Variants in IL1RAPL2 observed in about 807,000 individuals in gnomAD.
IL1RAPL2 encodes the protein interleukin 1 receptor accessory protein like 2, also known as X-linked interleukin-1 receptor accessory protein-like 2.
IL1RAPL2 carries 3 observed loss-of-function variants against 44.1 expected under a neutral mutation model. The observed-to-expected ratio is 0.07, with a 90% confidence interval of 0.03 to 0.18. The LOEUF (loss-of-function observed/expected upper bound fraction) is 0.18. IL1RAPL2 is among the 10% of genes least tolerant of loss of function. The probability of loss-of-function intolerance (pLI) is 1.00; values close to 1 mark genes in which losing one functional copy is unlikely to be tolerated. For synonymous variants in IL1RAPL2, 181 were observed against 178.8 expected (o/e 1.01, Z -0.10); for missense variants, 391 against 496.4 (o/e 0.79, Z 2.02).
intron 2 of IL1RAPL2, among the ~76,000 whole-genome samples, chrX:104,990,434 G>T (rs2030641231): frequency 9.1e-6 from 1 of 110,265 alleles, no homozygotes; most frequent in Non-Finnish European, 1.9e-5. Context: ...TTTTAACAAT[G>T]GTAGCATTCT....
At chrX:105,682,119 G>A (rs915057558) in intron 6 of IL1RAPL2, among the ~76,000 whole-genome samples, 1 of 111,530 alleles carries the variant, frequency 9.0e-6, no homozygotes, top group Non-Finnish European at 1.9e-5. Flanking sequence ...TAAGCCTGCC[G>A]AAAAAAGTTT....
intron 2 of IL1RAPL2, among the ~76,000 whole-genome samples, chrX:105,072,596 G>A (rs2032222163): frequency 9.0e-6 from 1 of 110,835 alleles, no homozygotes; most frequent in African/African-American, 3.3e-5. Flanking sequence ...ACGGAAATGA[G>A]GAACTTATTG....
At chrX:105,348,482 T>C (rs1377600003) in intron 5 of IL1RAPL2, among the ~76,000 whole-genome samples, 1 of 112,295 alleles carries the variant, frequency 8.9e-6, no homozygotes, top group East Asian at 2.8e-4. Context: ...GTCTGGCATA[T>C]GGTAAATACC....
At chrX:105,698,134 A>G (rs1352941479) in intron 6 of IL1RAPL2, among the ~76,000 whole-genome samples, 1 of 111,265 alleles carries the variant, frequency 9.0e-6, no homozygotes, top group African/African-American at 3.3e-5. Flanking sequence ...AATATTTAAG[A>G]TCTTTTACAT....
chrX:104,816,082 T>G (rs1262170584), intron 2 of IL1RAPL2, among the ~76,000 whole-genome samples: 2 of 111,370 alleles, frequency 1.8e-5, no homozygotes, highest in Non-Finnish European at 3.8e-5. Flanking sequence ...ATATTCTGTT[T>G]CTAATTCTAC....
At chrX:105,432,568 C>A in intron 5 of IL1RAPL2, among the ~76,000 whole-genome samples, 1 of 110,741 alleles carries the variant, frequency 9.0e-6, no homozygotes. Context: ...CCTTTTTTTG[C>A]TTTTGTTTGG....
chrX:104,845,987 C>T (rs1350457785), intron 2 of IL1RAPL2, among the ~76,000 whole-genome samples: 1 of 111,058 alleles, frequency 9.0e-6, no homozygotes, highest in African/African-American at 3.3e-5. Flanking sequence ...GGGTGAGTTG[C>T]TCTTGAGCTA....
intron 6 of IL1RAPL2, among the ~76,000 whole-genome samples, chrX:105,609,145 A>T (rs773603783): frequency 1.8e-5 from 2 of 112,127 alleles, no homozygotes; most frequent in South Asian, 3.7e-4. Context: ...AAGAAAAAAA[A>T]ATATGGGAAA....
chrX:104,574,650 G>A (rs1354869684), intron 1 of IL1RAPL2, among the ~76,000 whole-genome samples: 1 of 112,141 alleles, frequency 8.9e-6, no homozygotes, highest in African/African-American at 3.2e-5. Flanking sequence ...AACAATATAA[G>A]TGGCTCTAAT....
chrX:105,712,833 A>G (rs1227824525), intron 6 of IL1RAPL2, among the ~76,000 whole-genome samples: 5 of 112,164 alleles, frequency 4.5e-5, no homozygotes, highest in Non-Finnish European at 9.4e-5. Context: ...ATCAAAAGAA[A>G]GTTAGTTACT....
chrX:104,588,407 C>CTG (rs1928604541), intron 1 of IL1RAPL2, among the ~76,000 whole-genome samples: 1 of 111,507 alleles, frequency 9.0e-6, no homozygotes, highest in Admixed American at 9.6e-5. Context: ...CATCCCCTGG[C>CTG]TGTGTTGGTG....
intron 6 of IL1RAPL2, among the ~76,000 whole-genome samples, chrX:105,541,487 G>A (rs1376825517): frequency 8.9e-6 from 1 of 111,751 alleles, no homozygotes; most frequent in African/African-American, 3.3e-5. Flanking sequence ...TGGAGAATGA[G>A]GCATATGACA....
intron 4 of IL1RAPL2, among the ~76,000 whole-genome samples, chrX:105,246,581 A>C (rs1156798169): frequency 9.0e-6 from 1 of 111,711 alleles, no homozygotes; most frequent in Admixed American, 9.5e-5. Context: ...GGAAGCAGGT[A>C]GTTGCTTAGA....
At chrX:104,891,226 G>A (rs1476692214) in intron 2 of IL1RAPL2, among the ~76,000 whole-genome samples, 3 of 111,820 alleles carry the variant, frequency 2.7e-5, no homozygotes, top group East Asian at 2.8e-4. Context: ...TTGAAGTCAG[G>A]CAGCATGATG....
chrX:105,202,074 C>T (rs1940828828), intron 3 of IL1RAPL2, among the ~76,000 whole-genome samples: 2 of 111,589 alleles, frequency 1.8e-5, no homozygotes, highest in African/African-American at 6.5e-5. Context: ...AACCATTTTA[C>T]TTTATTTTCA....
At chrX:105,630,242 G>C (rs1390378577) in intron 6 of IL1RAPL2, among the ~76,000 whole-genome samples, 2 of 111,252 alleles carry the variant, frequency 1.8e-5, no homozygotes, top group African/African-American at 6.5e-5. Context: ...TAACATTCAA[G>C]TATTCACTCA....
At chrX:105,758,614 C>T (rs1317830816) in intron 10 of IL1RAPL2, among the ~76,000 whole-genome samples, 2 of 111,590 alleles carry the variant, frequency 1.8e-5, no homozygotes, top group African/African-American at 3.3e-5. Context: ...CTGAGTGTTC[C>T]GATCTGGACA....
At chrX:104,697,855 A>G (rs770128689) in intron 2 of IL1RAPL2, among the ~76,000 whole-genome samples, 7 of 112,771 alleles carry the variant, frequency 6.2e-5, no homozygotes, top group African/African-American at 1.3e-4. Flanking sequence ...TAGTGTTTTA[A>G]ACAATATGTA....
In IL1RAPL2 at chrX:105,077,090, T is replaced by C. The variant is rs1230227706; in HGVS notation, c.83-118385T>C. Among the ~76,000 whole-genome samples, 7 of 111,338 alleles carry C rather than the reference T, an allele frequency of 6.3e-5. No homozygotes were observed. In the Admixed American group the frequency reaches 6.7e-4, roughly 11 times the overall value. On this transcript the variant is annotated intron_variant, in intron 2 of 10. Coordinates refer to ENST00000372582, the MANE Select transcript of IL1RAPL2 (RefSeq NM_017416.2). ...TGTGAATTTGATCCTGTCATTATGATTTTAGCTGGTTATTTTGCTCGTTAG... is the reference window on the plus strand; with the variant it reads ...TGTGAATTTGATCCTGTCATTATGACTTTAGCTGGTTATTTTGCTCGTTAG...
Sources: allele counts gnomAD v4.1 joint callset (sites outside exome capture counted in the v4.1 genomes callset), GRCh38; gene constraint gnomAD v4.1.1; transcripts MANE v1.5; gene names NCBI Gene and HGNC (gene_info 2026-07-23, HGNC 2026-07-21).